The following FBXW7 variants were observed in gnomAD, a reference collection of about 807,000 sequenced individuals.
FBXW7 encodes F-box/WD repeat-containing protein 7.
FBXW7 carries 11 observed loss-of-function variants against 86.3 expected under a neutral mutation model. That is an observed-to-expected ratio of 0.13 (90% CI 0.08 to 0.21). FBXW7 has a LOEUF of 0.21. Ranked by LOEUF, FBXW7 falls within the 10% of genes least tolerant of loss-of-function variation. The pLI is 1.00. For synonymous variants in FBXW7, 313 were observed against 297.9 expected (o/e 1.05, Z -0.52); for missense variants, 488 against 847.4 (o/e 0.58, Z 5.27).
chr4:152,411,081 G>T, intron 4 of FBXW7: 1 of 775,176 alleles, frequency 1.3e-6, no homozygotes, highest in Non-Finnish European at 1.8e-6. Context: ...ATAGTAATAG[G>T]CTCAATTACT....
chr4:152,329,780 C>A lies in FBXW7; in HGVS notation c.1128G>T (p.Leu376=). 1.3e-6 allele frequency: 2 copies of A among 1,549,022 alleles called. No homozygotes were observed. The highest frequency in any genetic ancestry group is 1.7e-6 in the Non-Finnish European group (2 of 1,148,200). Residue 376 remains leucine (L), a synonymous_variant, in exon 10 of 14, where the codon CTG becomes CTT. Coordinates refer to ENST00000281708, the MANE Select transcript of FBXW7 (RefSeq NM_001349798.2). ...TGATCACATGATCATCATGTCCTTTCAGCACCTATAAGAAAGATGTGCAGA... is the reference window on the plus strand; with the variant it reads ...TGATCACATGATCATCATGTCCTTTAAGCACCTATAAGAAAGATGTGCAGA... The part of the protein sequence containing the change: ...RRGELKSPKV[L]KGHDDHVITC...
intron 5 of FBXW7, among the ~76,000 whole-genome samples, chr4:152,348,381 CAT>C (rs1267148277): frequency 6.6e-6 from 1 of 151,938 alleles, no homozygotes; most frequent in African/African-American, 2.4e-5. Flanking sequence ...ATGGAAAAAT[CAT>C]AGTTTTATCT....
intron 2 of FBXW7, among the ~76,000 whole-genome samples, chr4:152,467,002 C>T (rs938149277): frequency 1.3e-5 from 2 of 152,146 alleles, no homozygotes; most frequent in Admixed American, 6.5e-5. Context: ...AAAATCTATT[C>T]CTTCTTCACA....
chr4:152,391,583 A>C (rs1309756440), intron 4 of FBXW7, among the ~76,000 whole-genome samples: 1 of 152,178 alleles, frequency 6.6e-6, no homozygotes, highest in Non-Finnish European at 1.5e-5. Context: ...GTCTGCAGCT[A>C]TAGGGCTTAG....
intron 2 of FBXW7, among the ~76,000 whole-genome samples, chr4:152,465,874 A>G (rs1200013269): frequency 6.6e-6 from 1 of 151,432 alleles, no homozygotes; most frequent in East Asian, 1.9e-4. Context: ...GAACAATATT[A>G]CCCATCTAAT....
At chr4:152,360,063 T>C (rs910780828) in intron 4 of FBXW7, among the ~76,000 whole-genome samples, 1 of 152,238 alleles carries the variant, frequency 6.6e-6, no homozygotes, top group African/African-American at 2.4e-5. Context: ...ACAAGGTTCA[T>C]TAGGGGATAA....
chr4:152,443,924 G>A (rs915859796), intron 2 of FBXW7, among the ~76,000 whole-genome samples: 1 of 152,148 alleles, frequency 6.6e-6, no homozygotes, highest in African/African-American at 2.4e-5. Flanking sequence ...CATAAGACAT[G>A]TAAAGATGAA....
At chr4:152,467,065 C>T (rs891479352) in intron 2 of FBXW7, among the ~76,000 whole-genome samples, 1 of 152,134 alleles carries the variant, frequency 6.6e-6, no homozygotes, top group Non-Finnish European at 1.5e-5. Flanking sequence ...GTTTCTTAAA[C>T]TATGAAATAA....
rs778765110 is a variant in FBXW7 at position 152,352,607 on chromosome 4, C to T, written c.502-2483G>A. ...AAACCTTTTTCAGGTAGGTATGTCA[C>T]AGATTCTAATGTGGACATGCTCAGG... On this transcript the variant is annotated intron_variant, in intron 4 of 13. Coordinates refer to ENST00000281708, the MANE Select transcript of FBXW7 (RefSeq NM_001349798.2). 1.9e-6 allele frequency: 3 copies of T among 1,613,804 alleles called. 1 individual carries two copies. Among genetic ancestry groups the T allele is most frequent in the Middle Eastern group, 1.6e-4 (1 of 6,062 alleles).
chr4:152,348,807 G>T lies in FBXW7; in HGVS notation c.584+1235C>A. On this transcript the variant is annotated intron_variant, in intron 5 of 13. Coordinates refer to ENST00000281708, the MANE Select transcript of FBXW7 (RefSeq NM_001349798.2). ...CATGACTAGAAGGGAAAAGCAAAAT[G>T]AAGTGAATAGTTTCACTTGTCTCTC... The T allele has an allele frequency of 5.8e-6, 3 of 520,380 alleles. No homozygotes were observed. In the South Asian group the frequency reaches 6.5e-5, roughly 11 times the overall value. 32.2% of individuals were successfully genotyped at this position (520,380 alleles called of 1,614,324 possible).
chr4:152,398,344 AT>A (rs902817132), intron 4 of FBXW7, among the ~76,000 whole-genome samples: 7 of 152,058 alleles, frequency 4.6e-5, no homozygotes, highest in East Asian at 1.9e-4. Context: ...AAAAAAAAAA[AT>A]AATACTTTAT....
chr4:152,468,173 C>T (rs1165511538), intron 2 of FBXW7, among the ~76,000 whole-genome samples: 1 of 152,022 alleles, frequency 6.6e-6, no homozygotes, highest in Non-Finnish European at 1.5e-5. Context: ...GGAGAAATTA[C>T]AATCCTCATA....
chr4:152,365,961 T>C (rs1232516063), intron 4 of FBXW7, among the ~76,000 whole-genome samples: 1 of 152,130 alleles, frequency 6.6e-6, no homozygotes, highest in Non-Finnish European at 1.5e-5. Flanking sequence ...TTCCTGCATA[T>C]AGTAGGGTAC....
chr4:152,529,986 G>A (rs112239839), intron 2 of FBXW7, among the ~76,000 whole-genome samples: 3 of 150,970 alleles, frequency 2.0e-5, no homozygotes, highest in East Asian at 3.9e-4. Flanking sequence ...AGCCCAGGAG[G>A]TGGAGGTTGC....
At chr4:152,531,454 A>G (rs1484699627) in intron 2 of FBXW7, among the ~76,000 whole-genome samples, 1 of 152,148 alleles carries the variant, frequency 6.6e-6, no homozygotes, top group Non-Finnish European at 1.5e-5. Flanking sequence ...AAGTGTGAAT[A>G]TATATTTCCT....
intron 2 of FBXW7, among the ~76,000 whole-genome samples, chr4:152,456,929 T>A (rs1378502609): frequency 6.6e-6 from 1 of 152,222 alleles, no homozygotes; most frequent in South Asian, 2.1e-4. Flanking sequence ...ACCACTTTAT[T>A]CATAATAGTC....
At chr4:152,517,295 G>A (rs1476771089) in intron 2 of FBXW7, among the ~76,000 whole-genome samples, 2 of 151,802 alleles carry the variant, frequency 1.3e-5, no homozygotes, top group African/African-American at 4.8e-5. Flanking sequence ...TAAGAACTTC[G>A]GTAAACTCGA....
At chr4:152,367,647 T>A (rs1733614460) in intron 4 of FBXW7, among the ~76,000 whole-genome samples, 1 of 152,162 alleles carries the variant, frequency 6.6e-6, no homozygotes, top group Admixed American at 6.6e-5. Flanking sequence ...TCTAACTTTG[T>A]ATGCAGATAA....
At chr4:152,407,277 G>A (rs956910163) in intron 4 of FBXW7, among the ~76,000 whole-genome samples, 1 of 152,066 alleles carries the variant, frequency 6.6e-6, no homozygotes. Flanking sequence ...GCTAAATTAG[G>A]CTGAGTCAAT....
Sources: allele counts gnomAD v4.1 joint callset (sites outside exome capture counted in the v4.1 genomes callset), GRCh38; gene constraint gnomAD v4.1.1; transcripts MANE v1.5; gene names NCBI Gene and HGNC (gene_info 2026-07-23, HGNC 2026-07-21).